Variants in PCDHA11 observed in about 807,000 individuals in gnomAD.
The protein encoded by PCDHA11 is protocadherin alpha-11.
Under a neutral mutation model 70.3 loss-of-function variants are expected in PCDHA11, and 61 were observed. The observed-to-expected ratio is 0.87, with a 90% CI of 0.71 to 1.07. PCDHA11 has a LOEUF of 1.07. Among genes scored for constraint, PCDHA11 ranks in the 50% least tolerant of loss-of-function variants. PCDHA11 has a pLI of 0.00. For missense variants in PCDHA11, 1,324 were observed against 1,237.5 expected, an observed-to-expected ratio of 1.07 and a Z score of -1.05; for synonymous variants, 633 against 555.1, an observed-to-expected ratio of 1.14 and a Z score of -1.97.
chr5:140,871,422 C>T lies in PCDHA11; in HGVS notation c.2319C>T (p.Pro773=). ...PPKTDLMAFS[P]SLPLGLNKEE... ...AGACGGACCTCATGGCCTTCAGCCC[C>T]AGTCTTCCTCTAGGTCTGAATAAAG... is the stretch of plus-strand genomic sequence containing the variant. The change falls in exon 1 of 4, where the codon CCC becomes CCT. Residue 773 remains proline, a synonymous_variant. Coordinates refer to ENST00000398640, the MANE Select transcript of PCDHA11 (RefSeq NM_018902.5). 6.2e-7 allele frequency: 1 copy of T among 1,613,658 alleles called. No individual in the cohort carries two copies. Among genetic ancestry groups the T allele is most frequent in the Non-Finnish European group, 8.5e-7 (1 of 1,179,766 alleles).
intron 1 of PCDHA11, among the ~76,000 whole-genome samples, chr5:140,908,977 A>T (rs1461491727): frequency 6.6e-6 from 1 of 152,168 alleles, no homozygotes; most frequent in Non-Finnish European, 1.5e-5. Context: ...GCCCCACTCC[A>T]CTGGACCCCT....
At position 140,928,355 on chromosome 5, in the gene PCDHA11, T is replaced by C. The variant is rs368876306; in HGVS notation, c.2392-50594T>C. On this transcript the variant is annotated intron_variant, in intron 1 of 3. Coordinates refer to ENST00000398640, the MANE Select transcript of PCDHA11 (RefSeq NM_018902.5). ...GTCTCTTATGAGCTGTTGGATGTTA[T>C]CTCTGAAGGGCCATCAGCCTCTAGC... 8.1e-6 allele frequency: 13 copies of C among 1,614,062 alleles called. No individual in the cohort carries two copies. The African/African-American group carries it at 1.6e-4, about 20-fold the overall frequency.
intron 1 of PCDHA11, among the ~76,000 whole-genome samples, chr5:140,918,353 C>T (rs557694814): frequency 4.6e-5 from 7 of 152,236 alleles, no homozygotes; most frequent in African/African-American, 1.7e-4. Context: ...AGGTTGACTT[C>T]CTCTCTGCCT....
At chr5:140,929,276 G>A (rs1554206920) in intron 1 of PCDHA11, 2 of 1,604,822 alleles carry the variant, frequency 1.2e-6, no homozygotes, top group African/African-American at 1.3e-5. Flanking sequence ...CCAATATCCT[G>A]TATTCAGATT....
chr5:140,959,254 G>A (rs1318438220), intron 1 of PCDHA11, among the ~76,000 whole-genome samples: 3 of 152,054 alleles, frequency 2.0e-5, no homozygotes, highest in Non-Finnish European at 2.9e-5. Context: ...GTGCATGACT[G>A]TAGTCCCAGC....
chr5:140,908,307 C>T (rs782169692), intron 1 of PCDHA11, among the ~76,000 whole-genome samples: 43 of 152,180 alleles, frequency 2.8e-4, no homozygotes, highest in Non-Finnish European at 1.3e-4. Context: ...GAAGGAAGGG[C>T]GGCAGGAGTG....
At chr5:140,925,671 A>AATAATAATAATAATG (rs1445697337) in intron 1 of PCDHA11, among the ~76,000 whole-genome samples, 106 of 148,180 alleles carry the variant, frequency 7.2e-4, no homozygotes, top group African/African-American at 2.6e-3. Context: ...TAATAATAAT[A>AATAATAATAATAATG]ATAATAAAGC....
rs574487083 is a variant in PCDHA11 at position 140,915,476 on chromosome 5, T to C, written c.2391+43982T>C. Among the ~76,000 whole-genome samples the C allele has an allele frequency of 2.0e-5, 3 of 152,296 alleles. No homozygotes were observed. The South Asian group carries it at 6.2e-4, about 32-fold the overall frequency. On this transcript the variant is annotated intron_variant, in intron 1 of 3. Transcript: ENST00000398640. ...CCAGAAGGTTTTTATTTGAAGGAGC[T>C]TGGGCCTCAATCCCAATAATACTGT...
chr5:140,871,506 A>G lies in PCDHA11; in HGVS notation c.2391+12A>G. 11 of 1,580,864 alleles carry G rather than the reference A, an allele frequency of 7.0e-6. No individual in the cohort carries two copies. Among genetic ancestry groups the G allele is most frequent in the Non-Finnish European group, 8.6e-6 (10 of 1,161,586 alleles). On this transcript the variant is annotated intron_variant, in intron 1 of 3. Transcript: ENST00000398640. ...ATCACCCCGGACAGGTGAGTTTTCT[A>G]CAGATTCCACCTATCAGGAAGTGTA...
In PCDHA11 at chr5:140,927,503, C is replaced by T. The variant is rs148532418; in HGVS notation, c.2392-51446C>T. On this transcript the variant is annotated intron_variant, in intron 1 of 3. Transcript: ENST00000398640. ...CGCGCCACCCACCTGCTGGTGCTTA[C>T]AGCTCGGGACGGCGGGCTACCTGCC... The T allele has an allele frequency of 1.2e-4, 190 of 1,614,128 alleles. No homozygotes were observed. In the African/African-American group the frequency reaches 2.3e-3, roughly 19 times the overall value.
chr5:140,897,946 T>G (rs1311278458), intron 1 of PCDHA11, among the ~76,000 whole-genome samples: 1 of 152,276 alleles, frequency 6.6e-6, no homozygotes, highest in African/African-American at 2.4e-5. Context: ...CCAGTGATGA[T>G]TAGCATTTTT....
chr5:141,007,366 CATG>C (rs1319534619), intron 3 of PCDHA11, among the ~76,000 whole-genome samples: 13 of 118,904 alleles, frequency 1.1e-4, no homozygotes, highest in Admixed American at 7.7e-4. Flanking sequence ...GCCTGGGCAA[CATG>C]ATGGAACACC....
Position 140,870,974 on chromosome 5 carries a change from G to C in PCDHA11, c.1871G>C (p.Gly624Ala). The C allele has an allele frequency of 3.1e-6, 5 of 1,613,628 alleles. No homozygotes were observed. The highest frequency in any genetic ancestry group is 4.2e-6 in the Non-Finnish European group (5 of 1,179,884). ...AGGSRIPFRV[G>A]LYTGEISTTR... The stretch of plus-strand genomic sequence containing the variant: ...GGCTCGCGCATCCCGTTCCGCGTGG[G>C]GCTGTACACGGGCGAGATAAGCACA... Residue 624 changes from glycine (G) to alanine (A), a missense_variant, in exon 1 of 4, where the codon GGG becomes GCG. Transcript: ENST00000398640.
intron 1 of PCDHA11, among the ~76,000 whole-genome samples, chr5:140,885,620 G>A (rs1480920354): frequency 1.3e-5 from 2 of 152,120 alleles, no homozygotes; most frequent in Non-Finnish European, 2.9e-5. Context: ...TATAAAATAT[G>A]TCACTGGATT....
At position 140,959,344 on chromosome 5, in the gene PCDHA11, C is replaced by T. The variant is rs541663379; in HGVS notation, c.2392-19605C>T. Among the ~76,000 whole-genome samples the T allele has an allele frequency of 2.0e-4, 30 of 152,112 alleles. No individual in the cohort carries two copies. The South Asian group carries it at 6.0e-3, about 31-fold the overall frequency. On this transcript the variant is annotated intron_variant, in intron 1 of 3. Coordinates refer to ENST00000398640, the MANE Select transcript of PCDHA11 (RefSeq NM_018902.5). Reference sequence around the variant, plus strand: ...AAGTTTTGATTATGCTACTGCACTCCAGCGGGACAACTGAGTGAGACCCTG... The same window carrying T: ...AAGTTTTGATTATGCTACTGCACTCTAGCGGGACAACTGAGTGAGACCCTG...
At chr5:140,878,103 G>GA (rs748975221) in intron 1 of PCDHA11, 34 of 261,730 alleles carry the variant, frequency 1.3e-4, no homozygotes, top group Non-Finnish European at 2.0e-4. Context: ...GATGAACCTT[G>GA]AAAAAAACAG....
At chr5:140,952,654 G>T (rs541888180) in intron 1 of PCDHA11, among the ~76,000 whole-genome samples, 4 of 152,270 alleles carry the variant, frequency 2.6e-5, no homozygotes, top group African/African-American at 9.6e-5. Context: ...TGGTTACCCA[G>T]TTCCAAAGTC....
chr5:140,928,659 C>T (rs782522131), intron 1 of PCDHA11: 2 of 1,614,080 alleles, frequency 1.2e-6, no homozygotes, highest in African/African-American at 2.7e-5. Context: ...AGGATGCTGA[C>T]AGTGGTTCTA....
chr5:140,921,694 A>G (rs1251407999), intron 1 of PCDHA11, among the ~76,000 whole-genome samples: 1 of 152,200 alleles, frequency 6.6e-6, no homozygotes, highest in Non-Finnish European at 1.5e-5. Context: ...TGGCCACCTC[A>G]ATTTTAAACA....
Sources: gnomAD v4.1 joint callset for allele counts (sites outside exome capture counted in the v4.1 genomes callset) on GRCh38, gnomAD v4.1.1 for gene constraint, MANE v1.5 for transcripts, NCBI Gene and HGNC (gene_info 2026-07-23, HGNC 2026-07-21) for gene names.